The following ZNF804A variants were observed in gnomAD, a reference collection of about 807,000 sequenced individuals.
ZNF804A encodes the protein zinc finger protein 804A.
In ZNF804A, 2 loss-of-function variants were observed where a neutral mutation model predicts 16.5. The observed-to-expected ratio is 0.12, with a 90% CI of 0.05 to 0.38. The LOEUF (loss-of-function observed/expected upper bound fraction) is 0.38, where lower values mean the gene tolerates loss of function less well. Ranked by LOEUF, ZNF804A falls within the 10% of genes least tolerant of loss-of-function variation. The pLI is 0.99. For missense variants in ZNF804A, 1,473 were observed against 1,390.7 expected, an observed-to-expected ratio of 1.06 and a Z score of -0.94; for synonymous variants, 534 against 489.6, an observed-to-expected ratio of 1.09 and a Z score of -1.20.
rs1457251221 is a variant in ZNF804A at position 184,598,942 on chromosome 2, G to A, written c.-18G>A. Reference sequence around the variant, plus strand: ...GCGTGGAAGCGGCGGCTGCGGCGGAGGAGGCGGCGGCTGCCCCATGGAGTG... The same window carrying A: ...GCGTGGAAGCGGCGGCTGCGGCGGAAGAGGCGGCGGCTGCCCCATGGAGTG... On this transcript the variant is annotated 5_prime_UTR_variant, in exon 1 of 4. Transcript: ENST00000302277. 8 of 1,513,852 alleles carry A rather than the reference G, an allele frequency of 5.3e-6. No homozygotes were observed. Among genetic ancestry groups the A allele is most frequent in the Non-Finnish European group, 7.2e-6 (8 of 1,118,642 alleles). 93.8% of individuals were successfully genotyped at this position (1,513,852 alleles called of 1,614,324 possible).
At chr2:184,756,776 A>C (rs1248701719) in intron 1 of ZNF804A, among the ~76,000 whole-genome samples, 2 of 152,046 alleles carry the variant, frequency 1.3e-5, no homozygotes, top group Non-Finnish European at 2.9e-5. Context: ...ATGTAGATAC[A>C]TGTGTCTTTT....
At chr2:184,831,816 A>C (rs1695265913) in intron 1 of ZNF804A, among the ~76,000 whole-genome samples, 1 of 151,890 alleles carries the variant, frequency 6.6e-6, no homozygotes, top group African/African-American at 2.4e-5. Flanking sequence ...TCTTGGAAAG[A>C]GTTTTACTTT....
rs377265199 is a variant in ZNF804A, at chr2:184,801,996, TA to T, written c.112-64372del. 3.5e-3 allele frequency among the ~76,000 whole-genome samples: 531 copies of T among 152,300 alleles called. 2 individuals carry two copies. Among genetic ancestry groups the T allele is most frequent in the Middle Eastern group, 0.017 (5 of 294 alleles). ...GTAGGTGTCAGAGGCTTCAAATGTC[TA>T]GCACCCTGTTGTCCGGGGGCTTGCT... On this transcript the variant is annotated intron_variant, in intron 1 of 3. Transcript: ENST00000302277.
intron 1 of ZNF804A, among the ~76,000 whole-genome samples, chr2:184,655,529 G>A (rs781364747): frequency 6.6e-6 from 1 of 152,110 alleles, no homozygotes; most frequent in Non-Finnish European, 1.5e-5. Flanking sequence ...GAATTAACTT[G>A]GGTCTGTTTA....
intron 2 of ZNF804A, among the ~76,000 whole-genome samples, chr2:184,895,118 T>C (rs912778146): frequency 2.0e-5 from 3 of 152,052 alleles, no homozygotes; most frequent in African/African-American, 7.2e-5. Context: ...GAATTTGAGT[T>C]CCATCTATTT....
chr2:184,839,977 T>C (rs1695411966), intron 1 of ZNF804A, among the ~76,000 whole-genome samples: 1 of 152,170 alleles, frequency 6.6e-6, no homozygotes, highest in South Asian at 2.1e-4. Context: ...TATCTAAGTC[T>C]GCCTGCACAA....
At chr2:184,838,786 A>G (rs1200101694) in intron 1 of ZNF804A, among the ~76,000 whole-genome samples, 1 of 152,194 alleles carries the variant, frequency 6.6e-6, no homozygotes, top group African/African-American at 2.4e-5. Flanking sequence ...AGCATTATCT[A>G]TACTATAGAA....
intron 1 of ZNF804A, among the ~76,000 whole-genome samples, chr2:184,612,398 A>G (rs1019922048): frequency 2.6e-5 from 4 of 151,940 alleles, no homozygotes; most frequent in Non-Finnish European, 4.4e-5. Flanking sequence ...TGTATTACCA[A>G]TCACTGGGAA....
rs370315719 is a variant in ZNF804A at position 184,737,120 on chromosome 2, G to A, written c.112-129249G>A. ...CACCCAGGCTGGAGTGTAGTGGCGC[G>A]ATCTCGGCTCACTGCAAGCTCCACC... is the stretch of plus-strand genomic sequence containing the variant. On this transcript the variant is annotated intron_variant, in intron 1 of 3. Transcript: ENST00000302277. 2.7e-4 allele frequency among the ~76,000 whole-genome samples: 41 copies of A among 151,110 alleles called. No homozygotes were observed. The East Asian group carries it at 3.3e-3, about 12-fold the overall frequency.
chr2:184,911,109 G>T (rs1685349708), intron 2 of ZNF804A, among the ~76,000 whole-genome samples: 1 of 151,960 alleles, frequency 6.6e-6, no homozygotes, highest in East Asian at 1.9e-4. Context: ...ATAGTTTGAA[G>T]TCTTACATCT....
chr2:184,920,655 G>C (rs1270101634), intron 2 of ZNF804A, among the ~76,000 whole-genome samples: 1 of 152,180 alleles, frequency 6.6e-6, no homozygotes, highest in Admixed American at 6.5e-5. Flanking sequence ...AGAATGGAGA[G>C]AGAGAGAGAC....
chr2:184,610,745 G>T (rs1163825918), intron 1 of ZNF804A, among the ~76,000 whole-genome samples: 1 of 152,286 alleles, frequency 6.6e-6, no homozygotes, highest in East Asian at 1.9e-4. Flanking sequence ...AGAAGAAAAT[G>T]ACTGCTTTCA....
At chr2:184,643,963 A>G (rs998267876) in intron 1 of ZNF804A, among the ~76,000 whole-genome samples, 2 of 151,782 alleles carry the variant, frequency 1.3e-5, no homozygotes, top group Admixed American at 1.3e-4. Flanking sequence ...TTTAAAAAGA[A>G]TAACCCATGC....
At chr2:184,670,670 T>A (rs1336729845) in intron 1 of ZNF804A, among the ~76,000 whole-genome samples, 4 of 152,148 alleles carry the variant, frequency 2.6e-5, no homozygotes, top group Non-Finnish European at 4.4e-5. Context: ...TTTGTATGGA[T>A]GTTATATTTT....
At chr2:184,833,565 C>A (rs1695298289) in intron 1 of ZNF804A, among the ~76,000 whole-genome samples, 2 of 152,078 alleles carry the variant, frequency 1.3e-5, no homozygotes, top group South Asian at 4.1e-4. Flanking sequence ...GCTTAACATG[C>A]AGCTCAAAAT....
At chr2:184,818,242 G>A (rs538306118) in intron 1 of ZNF804A, among the ~76,000 whole-genome samples, 6 of 152,036 alleles carry the variant, frequency 3.9e-5, no homozygotes, top group Non-Finnish European at 7.4e-5. Flanking sequence ...CAAGAGACTG[G>A]GGGCTAATAT....
chr2:184,755,384 G>T (rs982213495), intron 1 of ZNF804A, among the ~76,000 whole-genome samples: 6 of 151,846 alleles, frequency 4.0e-5, no homozygotes, highest in African/African-American at 1.5e-4. Flanking sequence ...TAGTTCACAT[G>T]GGGTGCATCC....
chr2:184,872,756 C>T (rs1189360890), intron 2 of ZNF804A, among the ~76,000 whole-genome samples: 1 of 152,042 alleles, frequency 6.6e-6, no homozygotes, highest in Non-Finnish European at 1.5e-5. Flanking sequence ...ACTTCTCAAG[C>T]TGATTCCAAA....
At chr2:184,770,222 T>C (rs955891426) in intron 1 of ZNF804A, among the ~76,000 whole-genome samples, 2 of 152,046 alleles carry the variant, frequency 1.3e-5, no homozygotes, top group Non-Finnish European at 1.5e-5. Context: ...AGTAACAAAT[T>C]GTGTGTGAGT....
Sources: gnomAD v4.1 joint callset for allele counts (sites outside exome capture counted in the v4.1 genomes callset) on GRCh38, gnomAD v4.1.1 for gene constraint, MANE v1.5 for transcripts, NCBI Gene and HGNC (gene_info 2026-07-23, HGNC 2026-07-21) for gene names.